Variants in OPCML observed in about 807,000 individuals in gnomAD.
OPCML encodes the protein opioid binding protein/cell adhesion molecule like.
Under a neutral mutation model 37.8 loss-of-function variants are expected in OPCML, and 13 were observed. That is an observed-to-expected ratio of 0.34 (90% CI 0.22 to 0.55). OPCML has a LOEUF of 0.55. OPCML is among the 20% of genes least tolerant of loss of function. OPCML has a pLI of 0.91. For synonymous variants in OPCML, 176 were observed against 168.8 expected (o/e 1.04, Z -0.33); for missense variants, 341 against 435.6 (o/e 0.78, Z 1.93).
chr11:133,102,355 G>GA (rs34125008), intron 1 of OPCML, among the ~76,000 whole-genome samples: 13 of 151,966 alleles, frequency 8.6e-5, no homozygotes, highest in Non-Finnish European at 1.3e-4. Context: ...AAAATTTCTG[G>GA]AAAAAAGATC....
intron 1 of OPCML, among the ~76,000 whole-genome samples, chr11:133,304,510 G>A (rs912229971): frequency 6.6e-6 from 1 of 152,170 alleles, no homozygotes; most frequent in Admixed American, 6.5e-5. Context: ...GCTCCACAAC[G>A]TGTGCTTGGA....
chr11:133,458,936 A>T (rs1208884240), intron 1 of OPCML, among the ~76,000 whole-genome samples: 1 of 151,640 alleles, frequency 6.6e-6, no homozygotes, highest in African/African-American at 2.4e-5. Context: ...TCCAGTAAAC[A>T]TAAATACATT....
At chr11:133,096,846 C>A (rs1949010950) in intron 1 of OPCML, among the ~76,000 whole-genome samples, 1 of 152,034 alleles carries the variant, frequency 6.6e-6, no homozygotes, top group Admixed American at 6.5e-5. Context: ...GACGACACAG[C>A]AATCTTTACT....
chr11:132,840,096 C>T (rs1464311841), intron 2 of OPCML, among the ~76,000 whole-genome samples: 1 of 152,030 alleles, frequency 6.6e-6, no homozygotes, highest in Non-Finnish European at 1.5e-5. Context: ...AGGAAAAATA[C>T]ATGAGAACAG....
At chr11:132,761,867 G>A (rs1176063990) in intron 2 of OPCML, among the ~76,000 whole-genome samples, 2 of 152,008 alleles carry the variant, frequency 1.3e-5, no homozygotes, top group Non-Finnish European at 2.9e-5. Flanking sequence ...AGGAGTTGTG[G>A]GCCTTTGGAG....
intron 2 of OPCML, among the ~76,000 whole-genome samples, chr11:132,930,913 C>A (rs538954665): frequency 7.2e-5 from 11 of 152,220 alleles, no homozygotes; most frequent in African/African-American, 2.6e-4. Context: ...GCTTCCAAAA[C>A]ATACTACAAA....
At chr11:133,396,492 C>T (rs1036493038) in intron 1 of OPCML, among the ~76,000 whole-genome samples, 1 of 152,128 alleles carries the variant, frequency 6.6e-6, no homozygotes, top group Admixed American at 6.6e-5. Flanking sequence ...TTGCTATTAT[C>T]ATGTTTACAC....
chr11:132,804,540 T>C (rs1938882179), intron 2 of OPCML, among the ~76,000 whole-genome samples: 1 of 152,262 alleles, frequency 6.6e-6, no homozygotes, highest in South Asian at 2.1e-4. Flanking sequence ...GAAAATGCAG[T>C]GCCTGGAGAT....
intron 1 of OPCML, among the ~76,000 whole-genome samples, chr11:133,093,993 T>A (rs1332743504): frequency 6.6e-6 from 1 of 152,200 alleles, no homozygotes; most frequent in Non-Finnish European, 1.5e-5. Flanking sequence ...CTATGTGGTT[T>A]ATTTTTTCTG....
At position 133,475,081 on chromosome 11, in the gene OPCML, C is replaced by CTATA. The variant is rs1486167455; in HGVS notation, c.61+57179_61+57182dup. ...AAACAAGGAGGCCCTGGCTGCTCTT[C>CTATA]TATACCCTGTTGCTGTTATGGAAAT... is the stretch of plus-strand genomic sequence containing the variant. On this transcript the variant is annotated intron_variant, in intron 1 of 7. Coordinates refer to ENST00000524381, the MANE Select transcript of OPCML (RefSeq NM_001012393.5). Among the ~76,000 whole-genome samples, 12 of 152,292 alleles carry CTATA rather than the reference C, an allele frequency of 7.9e-5. No homozygotes were observed. In the East Asian group the frequency reaches 1.5e-3, roughly 20 times the overall value.
At chr11:133,507,351 C>T (rs1948056679) in intron 1 of OPCML, among the ~76,000 whole-genome samples, 2 of 152,164 alleles carry the variant, frequency 1.3e-5, no homozygotes, top group Admixed American at 1.3e-4. Flanking sequence ...GCAATCAATC[C>T]CCATTTTCAA....
rs544129008 is a variant in OPCML at position 132,557,245 on chromosome 11, T to C, written c.380-28059A>G. ...GAGCCAGAAACCAATTTAGATTCTGTACCCAGAGCCGATTGACAGTGGTGG... is the reference window on the plus strand; with the variant it reads ...GAGCCAGAAACCAATTTAGATTCTGCACCCAGAGCCGATTGACAGTGGTGG... On this transcript the variant is annotated intron_variant, in intron 3 of 7. Coordinates refer to ENST00000524381, the MANE Select transcript of OPCML (RefSeq NM_001012393.5). 1.8e-4 allele frequency among the ~76,000 whole-genome samples: 28 copies of C among 152,318 alleles called. No homozygotes were observed. In the South Asian group the frequency reaches 5.4e-3, roughly 29 times the overall value.
intron 2 of OPCML, among the ~76,000 whole-genome samples, chr11:132,737,399 G>A (rs533956740): frequency 6.6e-6 from 1 of 151,966 alleles, no homozygotes; most frequent in Non-Finnish European, 1.5e-5. Context: ...CCAACTTTTC[G>A]ACACATCATA....
chr11:133,068,243 G>C (rs1220199681), intron 1 of OPCML: 1 of 152,150 alleles, frequency 6.6e-6, no homozygotes, highest in Non-Finnish European at 1.5e-5. Flanking sequence ...TGGTTTATTG[G>C]GAATAGAGCT....
chr11:133,432,747 A>G (rs892752794), intron 1 of OPCML, among the ~76,000 whole-genome samples: 1 of 152,136 alleles, frequency 6.6e-6, no homozygotes, highest in Non-Finnish European at 1.5e-5. Context: ...ATGGTTCTCA[A>G]ACTACAGGTG....
At chr11:132,769,482 C>T (rs148016732) in intron 2 of OPCML, among the ~76,000 whole-genome samples, 66 of 152,312 alleles carry the variant, frequency 4.3e-4, no homozygotes, top group African/African-American at 1.4e-3. Context: ...AAAGTACCTT[C>T]CTCAACACCA....
chr11:132,465,393 T>C (rs969139860), intron 4 of OPCML, among the ~76,000 whole-genome samples: 2 of 152,220 alleles, frequency 1.3e-5, no homozygotes, highest in East Asian at 3.8e-4. Context: ...ATTTTACCAA[T>C]TTCATTCTGT....
Position 132,768,089 on chromosome 11 carries a change from C to T in OPCML, c.147-110770G>A, listed in dbSNP as rs188929483. On this transcript the variant is annotated intron_variant, in intron 2 of 7. Coordinates refer to ENST00000524381, the MANE Select transcript of OPCML (RefSeq NM_001012393.5). Reference sequence around the variant, plus strand: ...GAAGTCAAACAAAGGTACACGTACACGCTGTGGTATATTTACAAGTCTTCT... The same window carrying T: ...GAAGTCAAACAAAGGTACACGTACATGCTGTGGTATATTTACAAGTCTTCT... Among the ~76,000 whole-genome samples, 23 of 152,308 alleles carry T rather than the reference C, an allele frequency of 1.5e-4. No individual in the cohort carries two copies. The East Asian group carries it at 3.1e-3, about 20-fold the overall frequency.
chr11:132,445,668 C>T (rs542099814), intron 4 of OPCML, among the ~76,000 whole-genome samples: 1 of 152,250 alleles, frequency 6.6e-6, no homozygotes, highest in East Asian at 1.9e-4. Context: ...TGAGGGGTCC[C>T]AGCACCAGCA....
Sources: allele counts gnomAD v4.1 joint callset (sites outside exome capture counted in the v4.1 genomes callset), GRCh38; gene constraint gnomAD v4.1.1; transcripts MANE v1.5; gene names NCBI Gene and HGNC (gene_info 2026-07-23, HGNC 2026-07-21).